The following HDAC7 variants were observed in gnomAD, a reference collection of about 807,000 sequenced individuals.
HDAC7 encodes histone deacetylase 7A.
HDAC7 carries 26 observed loss-of-function variants against 115.5 expected under a neutral mutation model. The ratio of observed to expected loss-of-function variants is 0.23; its 90% CI spans 0.16 to 0.31. HDAC7 has a LOEUF of 0.31. Among genes scored for constraint, HDAC7 ranks in the 10% least tolerant of loss-of-function variants. HDAC7 has a pLI of 1.00. For missense variants in HDAC7, 1,068 were observed against 1,329.0 expected (o/e 0.80, Z 3.05); for synonymous variants, 564 against 550.9 (o/e 1.02, Z -0.33).
chr12:47,812,167 G>A (rs551005433), intron 1 of HDAC7, among the ~76,000 whole-genome samples: 1 of 152,342 alleles, frequency 6.6e-6, no homozygotes, highest in Non-Finnish European at 1.5e-5. Context: ...CAAGGCCCTG[G>A]GGTCCCTCCT....
chr12:47,792,112 G>T, intron 13 of HDAC7, 108 bp from the exon 14 acceptor site: 1 of 1,351,792 alleles, frequency 7.4e-7, no homozygotes. Flanking sequence ...CATGGAGCCG[G>T]GCGGGTACAC....
chr12:47,819,708 GC>G, intron 1 of HDAC7, 58 bp downstream of exon 1: 2 of 429,516 alleles, frequency 4.7e-6, no homozygotes, highest in Non-Finnish European at 6.3e-6. Flanking sequence ...CCGAGCCTGG[GC>G]GGGCGACGCT....
intron 1 of HDAC7, among the ~76,000 whole-genome samples, chr12:47,811,862 T>A (rs1238043081): frequency 6.6e-6 from 1 of 152,224 alleles, no homozygotes; most frequent in African/African-American, 2.4e-5. Context: ...AACACAGAGC[T>A]GGGCACAAAG....
At chr12:47,794,979 G>A in intron 11 of HDAC7, 46 bp from the exon 12 acceptor site, 1 of 1,561,906 alleles carries the variant, frequency 6.4e-7, no homozygotes, top group Non-Finnish European at 8.7e-7. Flanking sequence ...GGAGCGAGGG[G>A]CATGGGGTGG....
chr12:47,812,177 T>A (rs1944695958), intron 1 of HDAC7, among the ~76,000 whole-genome samples: 1 of 152,106 alleles, frequency 6.6e-6, no homozygotes, highest in African/African-American at 2.4e-5. Context: ...GGGTCCCTCC[T>A]CGCCCTGCCT....
At chr12:47,809,345 G>A (rs1057225638) in intron 1 of HDAC7, among the ~76,000 whole-genome samples, 2 of 152,082 alleles carry the variant, frequency 1.3e-5, no homozygotes, top group Non-Finnish European at 2.9e-5. Flanking sequence ...AGCGAGATGT[G>A]CCTTCCTCAC....
chr12:47,815,746 G>A (rs903282743), intron 1 of HDAC7, among the ~76,000 whole-genome samples: 1 of 152,148 alleles, frequency 6.6e-6, no homozygotes, highest in East Asian at 1.9e-4. Context: ...CAAATAGCTG[G>A]GACTACAGGC....
rs543999970 is a variant in HDAC7, at chr12:47,789,153, C to T, written c.2235+108G>A. On this transcript the variant is annotated intron_variant, in intron 19 of 25. Coordinates refer to ENST00000080059, the MANE Select transcript of HDAC7 (RefSeq NM_015401.5). Reference sequence around the variant, plus strand: ...TTTTACACAAGGGGAAACTGAGGCTCAGAGAGGCTACTGCAGAACTAAGAC... The same window carrying T: ...TTTTACACAAGGGGAAACTGAGGCTTAGAGAGGCTACTGCAGAACTAAGAC... 3.6e-5 allele frequency: 31 copies of T among 860,580 alleles called. No individual in the cohort carries two copies. The East Asian group carries it at 7.6e-4, about 21-fold the overall frequency. The allele number at this position is 860,580 out of a possible 1,614,324, so 53.3% of individuals were successfully genotyped here. A position where few individuals can be genotyped will look rare whatever the true frequency, so the allele number is the denominator to read the frequency against.
Position 47,787,688 on chromosome 12 carries a change from CCTCTGGG to C in HDAC7, c.2453+17_2453+23del. 6.4e-7 allele frequency: 1 copy of C among 1,552,734 alleles called. No homozygotes were observed. Among genetic ancestry groups the C allele is most frequent in the East Asian group, 2.3e-5 (1 of 43,066 alleles). ...AGGGACAGGAGAGGGTGGACTTGCC[CCTCTGGG>C]CCCCCAGAGCACGTACCTGAAAGCA... is the stretch of plus-strand genomic sequence containing the variant. On this transcript the variant is annotated intron_variant, in intron 21 of 25. Coordinates refer to ENST00000080059, the MANE Select transcript of HDAC7 (RefSeq NM_015401.5).
chr12:47,787,775 TTG>T lies in HDAC7; in HGVS notation c.2388_2389del (p.Asn797CysfsTer15). 1 of 1,613,104 alleles carries T rather than the reference TTG, an allele frequency of 6.2e-7. No homozygotes were observed. The highest frequency in any genetic ancestry group is 8.5e-7 in the Non-Finnish European group (1 of 1,179,734). On this transcript the variant is annotated frameshift_variant, in exon 21 of 26. Transcript: ENST00000080059. LOFTEE classifies it high-confidence loss of function. ...GTCCAGACCTCCAGCCCAGGCCACA[TTG>T]ACATTGAAGCCCTCACCGCTGCCAG...
At chr12:47,784,772 C>T (rs1210513511) in intron 24 of HDAC7, 2 of 1,535,460 alleles carry the variant, frequency 1.3e-6, no homozygotes, top group African/African-American at 2.7e-5. Flanking sequence ...GAACCATGTC[C>T]TGGAATCTGG....
intron 1 of HDAC7, among the ~76,000 whole-genome samples, chr12:47,814,599 T>G (rs897417573): frequency 2.0e-5 from 3 of 152,214 alleles, no homozygotes; most frequent in Non-Finnish European, 4.4e-5. Flanking sequence ...ATCTTGGCCT[T>G]GTGCAGCTCC....
chr12:47,788,299 C>G (rs1943284099), intron 19 of HDAC7, 135 bp from the exon 20 acceptor site: 1 of 1,183,996 alleles, frequency 8.4e-7, no homozygotes, highest in Admixed American at 2.6e-5. Flanking sequence ...GTTCCTAAAG[C>G]CACACGGTCG....
At position 47,803,459 on chromosome 12, in the gene HDAC7, G is replaced by T. The variant is rs2137016709; in HGVS notation, c.20-1185C>A. 6.6e-6 allele frequency among the ~76,000 whole-genome samples: 1 copy of T among 152,292 alleles called. No homozygotes were observed. Among genetic ancestry groups the T allele is most frequent in the African/African-American group, 2.4e-5 (1 of 41,556 alleles). On this transcript the variant is annotated intron_variant, in intron 1 of 25. Coordinates refer to ENST00000080059, the MANE Select transcript of HDAC7 (RefSeq NM_015401.5). This position sits in a 1 kb window ranked among gnomAD's most constrained non-coding sequence, Gnocchi z 4.0. Reference sequence around the variant, plus strand: ...GGGCACAGGGAGACTCCCACCGACTGCCCCTCAAACCAGCCCATGCTTTGG... The same window carrying T: ...GGGCACAGGGAGACTCCCACCGACTTCCCCTCAAACCAGCCCATGCTTTGG...
At position 47,793,349 on chromosome 12, in the gene HDAC7, C is replaced by CCCCCCCCA; in HGVS notation, c.1678+19_1678+20insTGGGGGGG. 1 of 1,467,616 alleles carries CCCCCCCCA rather than the reference C, an allele frequency of 6.8e-7. No individual in the cohort carries two copies. The highest frequency in any genetic ancestry group is 9.2e-7 in the Non-Finnish European group (1 of 1,092,746). The allele number at this position is 1,467,616 out of a possible 1,614,324, so 90.9% of individuals were successfully genotyped here. A position where few individuals can be genotyped will look rare whatever the true frequency, so the allele number is the denominator to read the frequency against. ...CAGCCGAGCCCCTCCCTCCACCCGCCACCCTCCTCCCGGTCTCACCTGTGG... is the reference window on the plus strand; with the variant it reads ...CAGCCGAGCCCCTCCCTCCACCCGCCCCCCCCCAACCCTCCTCCCGGTCTCACCTGTGG... On this transcript the variant is annotated intron_variant, in intron 13 of 25. Coordinates refer to ENST00000080059, the MANE Select transcript of HDAC7 (RefSeq NM_015401.5). This position sits in a 1 kb window ranked among gnomAD's most constrained non-coding sequence, Gnocchi z 4.5.
chr12:47,818,911 G>A lies in HDAC7; in HGVS notation c.19+856C>T, dbSNP rs1339293885. On this transcript the variant is annotated intron_variant, in intron 1 of 25. Coordinates refer to ENST00000080059, the MANE Select transcript of HDAC7 (RefSeq NM_015401.5). The stretch of plus-strand genomic sequence containing the variant: ...GGGGGTGGGGCACTGGGTGGCCTGC[G>A]GGCCCCAGAGGGCTCTCTCCTGGCC... Among the ~76,000 whole-genome samples the A allele has an allele frequency of 2.6e-5, 4 of 152,318 alleles. No individual in the cohort carries two copies. The South Asian group carries it at 6.2e-4, about 24-fold the overall frequency.
intron 24 of HDAC7, 122 bp from the exon 25 acceptor site, chr12:47,784,339 CACTTA>C: frequency 1.8e-6 from 2 of 1,119,366 alleles, no homozygotes; most frequent in African/African-American, 1.6e-5. Flanking sequence ...GCCTGTCCTC[CACTTA>C]GGGTCGGCTC....
At chr12:47,789,404 C>G in intron 18 of HDAC7, 56 bp from the exon 19 acceptor site, 1 of 1,582,380 alleles carries the variant, frequency 6.3e-7, no homozygotes, top group Non-Finnish European at 8.7e-7. Context: ...CTCACCTCCC[C>G]AGGCCCCTGG....
At position 47,785,455 on chromosome 12, in the gene HDAC7, T is replaced by C. The variant is rs759936099; in HGVS notation, c.2723A>G (p.Glu908Gly). 4 of 1,612,824 alleles carry C rather than the reference T, an allele frequency of 2.5e-6. No homozygotes were observed. Among genetic ancestry groups the C allele is most frequent in the Non-Finnish European group, 3.4e-6 (4 of 1,179,486 alleles). ...LLGNRVDPLS[E>G]EGWKQKPNLN... ...GTTGGGTTTCTGTTTCCAGCCTTCT[T>C]CTGAAAGGGGATCCACCTATAGAAA... Residue 908 changes from glutamate (E) to glycine (G), a missense_variant, in exon 24 of 26, where the codon GAA becomes GGA. By Grantham distance (98) the Glu-to-Gly change is moderately conservative (BLOSUM62 -2). This residue lies in a region of HDAC7 where 98 missense variants were observed against 123.9 expected (regional missense o/e 0.79). Transcript: ENST00000080059.
Sources: allele counts gnomAD v4.1 joint callset (sites outside exome capture counted in the v4.1 genomes callset), GRCh38; gene constraint gnomAD v4.1.1; regional missense constraint gnomAD v4.1.1; non-coding constraint Gnocchi (gnomAD v3.1); transcripts MANE v1.5; gene names NCBI Gene and HGNC (gene_info 2026-07-23, HGNC 2026-07-21).